The following AGBL4 variants were observed in gnomAD, a reference collection of about 807,000 sequenced individuals.
AGBL4 encodes AGBL carboxypeptidase 4, also known as cytosolic carboxypeptidase 6.
A neutral mutation model predicts 66.4 loss-of-function variants in AGBL4; 58 were observed. The ratio of observed to expected loss-of-function variants is 0.87; its 90% CI spans 0.71 to 1.09. The LOEUF (loss-of-function observed/expected upper bound fraction) is 1.09. Among genes scored for constraint, AGBL4 ranks in the 50% least tolerant of loss-of-function variants. The probability of loss-of-function intolerance (pLI) is 0.00; values close to 1 mark genes in which losing one functional copy is unlikely to be tolerated. For missense variants in AGBL4, 579 were observed against 631.0 expected, an observed-to-expected ratio of 0.92 and a Z score of 0.88; for synonymous variants, 234 against 222.9, an observed-to-expected ratio of 1.05 and a Z score of -0.44.
At chr1:49,887,204 T>C (rs973389320) in intron 1 of AGBL4, among the ~76,000 whole-genome samples, 14 of 150,050 alleles carry the variant, frequency 9.3e-5, no homozygotes, top group Non-Finnish European at 2.1e-4. Context: ...TATGTATATA[T>C]ATATACATTG....
chr1:48,617,434 C>A (rs1477726962), intron 9 of AGBL4, among the ~76,000 whole-genome samples: 2 of 152,136 alleles, frequency 1.3e-5, no homozygotes, highest in African/African-American at 4.8e-5. Flanking sequence ...TTGCCTTTGG[C>A]CAAAATGATG....
intron 3 of AGBL4, among the ~76,000 whole-genome samples, chr1:49,363,135 A>C (rs189377235): frequency 6.6e-6 from 1 of 152,322 alleles, no homozygotes; most frequent in African/African-American, 2.4e-5. Context: ...GACTAAAGAC[A>C]AGCTTTAGAA....
chr1:48,889,052 A>T (rs4642936), intron 5 of AGBL4, among the ~76,000 whole-genome samples: 7 of 152,214 alleles, frequency 4.6e-5, no homozygotes, highest in Non-Finnish European at 1.0e-4. Flanking sequence ...AAGGATCCAC[A>T]TGTAAAGTTC....
chr1:48,772,490 G>T (rs1644887388), intron 6 of AGBL4, among the ~76,000 whole-genome samples: 1 of 152,168 alleles, frequency 6.6e-6, no homozygotes, highest in African/African-American at 2.4e-5. Context: ...GCGAGAGAGT[G>T]TGTTCACAGA....
intron 3 of AGBL4, among the ~76,000 whole-genome samples, chr1:49,370,553 T>G (rs913557064): frequency 6.6e-6 from 1 of 152,176 alleles, no homozygotes; most frequent in African/African-American, 2.4e-5. Flanking sequence ...CAATCACATC[T>G]AGAAAATACC....
rs190669903 is a variant in AGBL4 at position 49,746,277 on chromosome 1, T to C, written c.158-48840A>G. ...GCATGAATTACGCTTTCTGAATTCA[T>C]TACAGATAAAGTAGAAAGATTTTAC... is the stretch of plus-strand genomic sequence containing the variant. On this transcript the variant is annotated intron_variant, in intron 2 of 13. Transcript: ENST00000371839. 2.0e-4 allele frequency among the ~76,000 whole-genome samples: 31 copies of C among 152,146 alleles called. No homozygotes were observed. The East Asian group carries it at 4.3e-3, about 21-fold the overall frequency.
chr1:49,866,883 C>A (rs1433139287), intron 1 of AGBL4, among the ~76,000 whole-genome samples: 1 of 151,942 alleles, frequency 6.6e-6, no homozygotes, highest in African/African-American at 2.4e-5. Context: ...TCTTATTTAA[C>A]CATGTCCTCT....
intron 3 of AGBL4, among the ~76,000 whole-genome samples, chr1:49,530,325 T>C (rs1416335667): frequency 6.7e-6 from 1 of 148,364 alleles, no homozygotes; most frequent in Admixed American, 6.8e-5. Flanking sequence ...CGTTTGAGGG[T>C]ACATGTGCAC....
At chr1:49,095,022 C>T (rs1320598047) in intron 4 of AGBL4, among the ~76,000 whole-genome samples, 1 of 152,130 alleles carries the variant, frequency 6.6e-6, no homozygotes, top group African/African-American at 2.4e-5. Context: ...AAATCACAAG[C>T]ATTCTTATAC....
At chr1:49,201,799 C>G (rs1407440239) in intron 4 of AGBL4, among the ~76,000 whole-genome samples, 3 of 152,138 alleles carry the variant, frequency 2.0e-5, no homozygotes, top group Non-Finnish European at 4.4e-5. Flanking sequence ...TGCTCTCCCT[C>G]CTGCCTTCCC....
At chr1:49,916,526 T>G (rs1651519186) in intron 1 of AGBL4, among the ~76,000 whole-genome samples, 1 of 151,932 alleles carries the variant, frequency 6.6e-6, no homozygotes, top group South Asian at 2.1e-4. Flanking sequence ...ACAAGGGAAG[T>G]CTAGAGAAAA....
At chr1:49,813,034 A>C (rs1645137766) in intron 2 of AGBL4, among the ~76,000 whole-genome samples, 1 of 152,186 alleles carries the variant, frequency 6.6e-6, no homozygotes, top group Admixed American at 6.5e-5. Flanking sequence ...TACCTGTAGA[A>C]GTGCCAGGCT....
At chr1:49,458,579 C>A (rs1246045397) in intron 3 of AGBL4, among the ~76,000 whole-genome samples, 3 of 151,686 alleles carry the variant, frequency 2.0e-5, no homozygotes, top group Non-Finnish European at 4.4e-5. Flanking sequence ...ACTAGGACAT[C>A]CAATGCTTTG....
intron 11 of AGBL4, among the ~76,000 whole-genome samples, chr1:48,546,300 G>C (rs17373037): frequency 0.034 from 5,166 of 152,314 alleles, 135 homozygotes; most frequent in Non-Finnish European, 0.054. Flanking sequence ...TTCTAACAGC[G>C]TGCGTATGTT....
intron 6 of AGBL4, among the ~76,000 whole-genome samples, chr1:48,664,079 G>T (rs1219873318): frequency 2.0e-5 from 3 of 152,194 alleles, no homozygotes; most frequent in Non-Finnish European, 4.4e-5. Context: ...CCCTATGATT[G>T]CCCTGGCTTT....
rs1262570194 is a variant in AGBL4 at position 49,116,346 on chromosome 1, TC to T, written c.378-70547del. ...CAACTCGTCATTTACATTACATATT[TC>T]TTCTAATGCTATCCCTCCTCCATAT... On this transcript the variant is annotated intron_variant, in intron 4 of 13. Transcript: ENST00000371839. 3.9e-5 allele frequency among the ~76,000 whole-genome samples: 6 copies of T among 152,336 alleles called. No homozygotes were observed. In the East Asian group the frequency reaches 1.2e-3, roughly 29 times the overall value.
intron 2 of AGBL4, among the ~76,000 whole-genome samples, chr1:49,829,315 G>A (rs1249728163): frequency 1.3e-5 from 2 of 152,148 alleles, no homozygotes; most frequent in East Asian, 1.9e-4. Flanking sequence ...GGTCATGTGT[G>A]GAGGAAAACA....
chr1:49,423,413 G>A (rs369094361), intron 3 of AGBL4, among the ~76,000 whole-genome samples: 15 of 152,306 alleles, frequency 9.8e-5, no homozygotes, highest in Admixed American at 3.9e-4. Context: ...GTGTTCCTAA[G>A]ACAGGCATGA....
chr1:49,357,365 C>T (rs1644041946), intron 3 of AGBL4, among the ~76,000 whole-genome samples: 1 of 152,154 alleles, frequency 6.6e-6, no homozygotes, highest in Non-Finnish European at 1.5e-5. Flanking sequence ...GAATTATCTG[C>T]AACTTACATC....
Sources: allele counts gnomAD v4.1 joint callset (sites outside exome capture counted in the v4.1 genomes callset), GRCh38; gene constraint gnomAD v4.1.1; transcripts MANE v1.5; gene names NCBI Gene and HGNC (gene_info 2026-07-23, HGNC 2026-07-21).